Variants in MYH15 observed in about 807,000 individuals in gnomAD.
The protein encoded by MYH15 is myosin heavy chain 15.
MYH15 carries 227 observed loss-of-function variants against 240.5 expected under a neutral mutation model. That is an observed-to-expected ratio of 0.94 (90% CI 0.85 to 1.05). MYH15 has a LOEUF of 1.05. Ranked by LOEUF, MYH15 falls within the 50% of genes least tolerant of loss-of-function variation. The probability of loss-of-function intolerance (pLI) is 0.00; values close to 1 mark genes in which losing one functional copy is unlikely to be tolerated. For missense variants in MYH15, 2,217 were observed against 2,247.5 expected (o/e 0.99, Z 0.27); for synonymous variants, 785 against 796.7 (o/e 0.99, Z 0.25).
chr3:108,543,898 AAGG>A, the MYH15 span: 15 of 152,070 alleles, frequency 9.9e-5, no homozygotes, highest in Non-Finnish European at 1.3e-4. Flanking sequence ...TTCTCCTCCG[AAGG>A]AGAACGGTTG....
intron 36 of MYH15, among the ~76,000 whole-genome samples, chr3:108,393,502 A>G (rs767539544): frequency 6.6e-6 from 1 of 152,214 alleles, no homozygotes; most frequent in African/African-American, 2.4e-5. Context: ...TGAGCTCAAC[A>G]TCATTTAGGA....
At chr3:108,408,911 AGT>A (rs1233285006) in intron 31 of MYH15, among the ~76,000 whole-genome samples, 8 of 152,242 alleles carry the variant, frequency 5.3e-5, no homozygotes, top group Non-Finnish European at 1.0e-4. Context: ...CAAGGAAGAC[AGT>A]GGCTTTAGCT....
the MYH15 span, among the ~76,000 whole-genome samples, chr3:108,536,447 A>G: frequency 2.0e-5 from 3 of 152,240 alleles, no homozygotes; most frequent in Non-Finnish European, 4.4e-5. Context: ...GACAATGCCT[A>G]GCATCAAGGG....
Position 108,521,858 on chromosome 3 carries a change from G to A in MYH15, c.-58+7405C>T, listed in dbSNP as rs1489733887. On this transcript the variant is annotated intron_variant, in intron 1 of 41. Coordinates refer to the MYH15 transcript ENST00000273353. The stretch of plus-strand genomic sequence containing the variant: ...ATTAAAGTGCCCTACTTGGCCTTTG[G>A]GAGACTGCAAACCATTTTCAGGTGT... Among the ~76,000 whole-genome samples the A allele has an allele frequency of 5.3e-5, 8 of 152,262 alleles. No individual in the cohort carries two copies. In the East Asian group the frequency reaches 1.2e-3, roughly 22 times the overall value.
chr3:108,510,344 G>A (rs2083512179), intron 1 of MYH15, 99 bp downstream of exon 1: 1 of 1,448,482 alleles, frequency 6.9e-7, no homozygotes, highest in Non-Finnish European at 9.3e-7. Flanking sequence ...AAATAAGTTA[G>A]GCTCTAGAAC....
intron 26 of MYH15, among the ~76,000 whole-genome samples, chr3:108,430,226 AG>A (rs1230752171): frequency 6.6e-6 from 1 of 152,230 alleles, no homozygotes; most frequent in Non-Finnish European, 1.5e-5. Flanking sequence ...TATATTACTA[AG>A]ATATTTATTT....
chr3:108,430,475 A>G (rs79362315), intron 26 of MYH15, among the ~76,000 whole-genome samples: 3,700 of 152,336 alleles, frequency 0.024, 102 homozygotes, highest in Admixed American at 0.078. Context: ...AATGCATACC[A>G]TGGGTCAGGC....
chr3:108,430,970 T>A (rs1427232887), intron 25 of MYH15, 48 bp from the exon 26 acceptor site: 1 of 1,304,098 alleles, frequency 7.7e-7, no homozygotes. Flanking sequence ...TAATAACATT[T>A]TGTTTAAAGT....
chr3:108,444,839 C>T lies in MYH15; in HGVS notation c.2456G>A (p.Trp819Ter), dbSNP rs199667941. The change falls in exon 22 of 41, where the codon TGG becomes TAG. Residue 819 changes from tryptophan (W) to a stop codon, truncating the protein, a stop_gained. Transcript: ENST00000693548. LOFTEE classifies it high-confidence loss of function. ...CTTGAAGAAGAGCCTCATCCAGGGC[C>T]AGTTCTTCACAGCCATGAAAGCTCT... ...NIRAFMAVKNWPWMRLFFKIK... is the reference protein window; with the variant it reads ...NIRAFMAVKN 69 of 1,613,838 alleles carry T rather than the reference C, an allele frequency of 4.3e-5. No individual in the cohort carries two copies. Among genetic ancestry groups the T allele is most frequent in the Non-Finnish European group, 2.5e-6 (3 of 1,179,924 alleles).
At chr3:108,476,651 T>G in intron 11 of MYH15, 136 bp from the exon 12 acceptor site, 1 of 526,764 alleles carries the variant, frequency 1.9e-6, no homozygotes. Context: ...GATTGTAGTT[T>G]TCAAATAAAT....
At chr3:108,498,189 T>G (rs915006048) in intron 5 of MYH15, 44 bp from the exon 6 acceptor site, 1 of 1,558,904 alleles carries the variant, frequency 6.4e-7, no homozygotes, top group East Asian at 2.2e-5. Flanking sequence ...GTTCTGATTA[T>G]CAATGCAACG....
intron 31 of MYH15, among the ~76,000 whole-genome samples, chr3:108,408,826 T>C (rs1460713591): frequency 2.0e-5 from 3 of 152,072 alleles, no homozygotes; most frequent in Non-Finnish European, 2.9e-5. Context: ...GACAGGAACT[T>C]AAAGTAAAAG....
chr3:108,502,711 T>C (rs958938483), intron 2 of MYH15, among the ~76,000 whole-genome samples: 1 of 152,194 alleles, frequency 6.6e-6, no homozygotes, highest in East Asian at 1.9e-4. Flanking sequence ...TACATATTTG[T>C]GTCAACTGAT....
At chr3:108,439,709 A>G (rs758349142) in intron 24 of MYH15, 28 bp downstream of exon 24, 8 of 1,512,698 alleles carry the variant, frequency 5.3e-6, no homozygotes, top group Non-Finnish European at 1.8e-6. Context: ...AGACAGATAG[A>G]TAACTAACCA....
At chr3:108,435,693 CATATATAT>C (rs72262588) in intron 25 of MYH15, among the ~76,000 whole-genome samples, 54 of 143,538 alleles carry the variant, frequency 3.8e-4, no homozygotes, top group Middle Eastern at 3.6e-3. Context: ...ATTTTATATA[CATATATAT>C]ATATATATAT....
intron 18 of MYH15, among the ~76,000 whole-genome samples, chr3:108,458,252 T>C (rs969862151): frequency 1.3e-5 from 2 of 152,202 alleles, no homozygotes; most frequent in Non-Finnish European, 2.9e-5. Context: ...GCAACTCTAA[T>C]AGGTAACAGA....
chr3:108,408,492 CT>C, intron 31 of MYH15, 88 bp from the exon 32 acceptor site: 1 of 1,360,870 alleles, frequency 7.3e-7, no homozygotes, highest in Admixed American at 2.4e-5. Context: ...TTCCAGCCCA[CT>C]GGAACAGTGA....
At chr3:108,529,085 T>TATG (rs1233975185) in intron 1 of MYH15, among the ~76,000 whole-genome samples, 1 of 152,228 alleles carries the variant, frequency 6.6e-6, no homozygotes, top group Non-Finnish European at 1.5e-5. Context: ...GCAGACCGGC[T>TATG]ACATTTATGT....
chr3:108,539,871 T>A, the MYH15 span, among the ~76,000 whole-genome samples: 1 of 152,168 alleles, frequency 6.6e-6, no homozygotes, highest in Admixed American at 6.5e-5. Context: ...CTACTAAGTC[T>A]TTAAAGAACA....
Sources: gnomAD v4.1 joint callset for allele counts (sites outside exome capture counted in the v4.1 genomes callset) on GRCh38, gnomAD v4.1.1 for gene constraint, MANE v1.5 for transcripts, NCBI Gene and HGNC (gene_info 2026-07-23, HGNC 2026-07-21) for gene names.